CCDC178: variants seen among roughly 807,000 people sequenced by gnomAD.
CCDC178 encodes the protein coiled-coil domain containing 178.
In CCDC178, 126 loss-of-function variants were observed where a neutral mutation model predicts 117.4. The ratio of observed to expected loss-of-function variants is 1.07; its 90% CI spans 0.93 to 1.24. The LOEUF (loss-of-function observed/expected upper bound fraction) is 1.24, where lower values mean the gene tolerates loss of function less well. Among genes scored for constraint, CCDC178 ranks in the 50% most tolerant of loss-of-function variants. The pLI, the probability that CCDC178 is intolerant of heterozygous loss-of-function variation, is 0.00. For synonymous variants in CCDC178, 283 were observed against 313.4 expected, an observed-to-expected ratio of 0.90 and a Z score of 1.02; for missense variants, 1,030 against 986.9, an observed-to-expected ratio of 1.04 and a Z score of -0.59.
intron 11 of CCDC178, among the ~76,000 whole-genome samples, chr18:33,304,801 A>G (rs1469387841): frequency 6.6e-6 from 1 of 152,192 alleles, no homozygotes; most frequent in Non-Finnish European, 1.5e-5. Context: ...CAGCACCATG[A>G]TAGTTCACAG....
chr18:32,983,288 T>C (rs924557926), intron 21 of CCDC178: 1 of 1,524,140 alleles, frequency 6.6e-7, no homozygotes, highest in Non-Finnish European at 8.8e-7. Flanking sequence ...TACCTGAAAA[T>C]TTGAGAGTTC....
chr18:33,182,315 T>C (rs1007612390), intron 20 of CCDC178, among the ~76,000 whole-genome samples: 2 of 151,880 alleles, frequency 1.3e-5, no homozygotes, highest in African/African-American at 2.4e-5. Flanking sequence ...AAAATAAGTA[T>C]TTAGTGGCAG....
chr18:33,026,355 G>T (rs890089464), intron 21 of CCDC178, among the ~76,000 whole-genome samples: 1 of 152,030 alleles, frequency 6.6e-6, no homozygotes, highest in Admixed American at 6.6e-5. Context: ...ACCATTAGGG[G>T]AAAGTGAGTA....
intron 9 of CCDC178, among the ~76,000 whole-genome samples, chr18:33,344,696 T>A (rs1050465900): frequency 6.6e-5 from 10 of 151,938 alleles, no homozygotes; most frequent in Admixed American, 6.6e-4. Flanking sequence ...TTAGGAAAAT[T>A]GTGCATGACT....
chr18:33,084,720 G>C (rs988604332), intron 21 of CCDC178, among the ~76,000 whole-genome samples: 1 of 151,712 alleles, frequency 6.6e-6, no homozygotes, highest in African/African-American at 2.4e-5. Flanking sequence ...GCTGAGGCAG[G>C]AGAATTGCTT....
chr18:33,032,266 G>C (rs2056358697), intron 21 of CCDC178, among the ~76,000 whole-genome samples: 1 of 152,070 alleles, frequency 6.6e-6, no homozygotes, highest in African/African-American at 2.4e-5. Context: ...TTTGCTCCTA[G>C]CATCTACAGG....
At chr18:33,265,257 T>C (rs546266153) in intron 14 of CCDC178, among the ~76,000 whole-genome samples, 12 of 150,760 alleles carry the variant, frequency 8.0e-5, no homozygotes, top group African/African-American at 3.0e-4. Flanking sequence ...TAGCATAGTA[T>C]GTGTCAGACT....
At chr18:33,122,346 A>C (rs2057947672) in intron 20 of CCDC178, among the ~76,000 whole-genome samples, 1 of 152,100 alleles carries the variant, frequency 6.6e-6, no homozygotes, top group Non-Finnish European at 1.5e-5. Context: ...GGGGCTTGGC[A>C]TATCAGATCA....
intron 3 of CCDC178, 36 bp downstream of exon 3, chr18:33,411,995 C>T (rs746450824): frequency 1.9e-5 from 20 of 1,062,812 alleles, no homozygotes; most frequent in Middle Eastern, 4.2e-4. Context: ...TATCTATGAA[C>T]TATTTTCAAA....
rs547646381 is a variant in CCDC178, at chr18:33,266,351, T to A, written c.1409+565A>T. Among the ~76,000 whole-genome samples, 8 of 151,860 alleles carry A rather than the reference T, an allele frequency of 5.3e-5. No homozygotes were observed. The East Asian group carries it at 1.6e-3, about 29-fold the overall frequency. ...GTTATCAGATTGCAAAATTGTAGTA[T>A]ATATAGGGTTTGGTACAATCTGTGG... On this transcript the variant is annotated intron_variant, in intron 14 of 22. Transcript: ENST00000383096.
rs2063403229 is a variant in CCDC178, at chr18:33,379,141, T to TATATATAATATATATATTTCC, written c.209-8953_209-8952insGGAAATATATATATTATATAT. On this transcript the variant is annotated intron_variant, in intron 5 of 22. Coordinates refer to ENST00000383096, the MANE Select transcript of CCDC178 (RefSeq NM_001105528.4). Reference sequence around the variant, plus strand: ...TATATATATAATATATATATTTCCATATATATATAATATATATATTTCCAT... The same window carrying TATATATAATATATATATTTCC: ...TATATATATAATATATATATTTCCATATATATAATATATATATTTCCATATATATAATATATATATTTCCAT... 7.5e-4 allele frequency among the ~76,000 whole-genome samples: 4 copies of TATATATAATATATATATTTCC among 5,330 alleles called. No individual in the cohort carries two copies. The Admixed American group carries it at 0.013, about 18-fold the overall frequency. The allele number at this position is 5,330 out of a possible 152,430, so 3.5% of individuals were successfully genotyped here.
intron 15 of CCDC178, 78 bp downstream of exon 15, chr18:33,245,167 A>T (rs777898550): frequency 1.6e-6 from 2 of 1,259,902 alleles, no homozygotes; most frequent in Non-Finnish European, 2.1e-6. Context: ...AAATCTAATT[A>T]TCAAGATGAA....
At chr18:33,330,484 G>A (rs1420199276) in intron 10 of CCDC178, among the ~76,000 whole-genome samples, 2 of 152,080 alleles carry the variant, frequency 1.3e-5, no homozygotes, top group Non-Finnish European at 2.9e-5. Flanking sequence ...CTTAAAAGCA[G>A]GTAAGCAGAA....
intron 6 of CCDC178, among the ~76,000 whole-genome samples, chr18:33,361,059 T>C (rs1465059988): frequency 2.0e-5 from 3 of 151,558 alleles, no homozygotes; most frequent in African/African-American, 7.2e-5. Flanking sequence ...AAAGGTAATG[T>C]TGGAAGCATC....
At chr18:33,402,770 G>T (rs538406091) in intron 3 of CCDC178, among the ~76,000 whole-genome samples, 1 of 152,132 alleles carries the variant, frequency 6.6e-6, no homozygotes, top group East Asian at 1.9e-4. Context: ...TCATTATGTC[G>T]CCCAGGCTAC....
intron 9 of CCDC178, among the ~76,000 whole-genome samples, chr18:33,340,516 T>G (rs901984014): frequency 6.6e-6 from 1 of 152,172 alleles, no homozygotes; most frequent in Non-Finnish European, 1.5e-5. Context: ...TCCAGCCATG[T>G]CAGACACCTT....
chr18:33,245,072 A>G (rs1312633730), intron 15 of CCDC178, among the ~76,000 whole-genome samples, 173 bp downstream of exon 15: 3 of 151,978 alleles, frequency 2.0e-5, no homozygotes, highest in Non-Finnish European at 4.4e-5. Flanking sequence ...ATCCTCTTCT[A>G]TTCAAGCTGA....
At chr18:32,993,555 T>C (rs2055438344) in intron 21 of CCDC178, among the ~76,000 whole-genome samples, 1 of 152,202 alleles carries the variant, frequency 6.6e-6, no homozygotes, top group Admixed American at 6.5e-5. Flanking sequence ...ACCATTAAAT[T>C]CTTTCCTGGG....
intron 6 of CCDC178, among the ~76,000 whole-genome samples, chr18:33,363,994 A>C (rs1222971409): frequency 6.6e-6 from 1 of 152,086 alleles, no homozygotes; most frequent in Non-Finnish European, 1.5e-5. Flanking sequence ...GCGGGACTTC[A>C]GCATACATGA....
Sources: gnomAD v4.1 joint callset for allele counts (sites outside exome capture counted in the v4.1 genomes callset) on GRCh38, gnomAD v4.1.1 for gene constraint, MANE v1.5 for transcripts, NCBI Gene and HGNC (gene_info 2026-07-23, HGNC 2026-07-21) for gene names.